The following PRLR variants were observed in gnomAD, a reference collection of about 807,000 sequenced individuals.
PRLR encodes hPRL receptor.
A neutral mutation model predicts 40.2 loss-of-function variants in PRLR; 13 were observed. The ratio of observed to expected loss-of-function variants is 0.32; its 90% confidence interval spans 0.21 to 0.51. The LOEUF is 0.51. Among genes scored for constraint, PRLR ranks in the 20% least tolerant of loss-of-function variants. PRLR has a pLI of 0.97. For missense variants in PRLR, 656 were observed against 747.3 expected, an observed-to-expected ratio of 0.88 and a Z score of 1.42; for synonymous variants, 269 against 278.7, an observed-to-expected ratio of 0.97 and a Z score of 0.35.
intron 2 of PRLR, among the ~76,000 whole-genome samples, chr5:35,101,199 A>G (rs188177624): frequency 6.6e-6 from 1 of 152,288 alleles, no homozygotes; most frequent in African/African-American, 2.4e-5. Flanking sequence ...ACCTGTAAAC[A>G]TGTCTACAGG....
chr5:35,170,982 T>G (rs1209580270), intron 1 of PRLR, among the ~76,000 whole-genome samples: 1 of 152,016 alleles, frequency 6.6e-6, no homozygotes, highest in Non-Finnish European at 1.5e-5. Flanking sequence ...GAAGAATTGC[T>G]TATCAGTATT....
chr5:35,164,665 T>C (rs1439144388), intron 1 of PRLR, among the ~76,000 whole-genome samples: 2 of 152,062 alleles, frequency 1.3e-5, no homozygotes, highest in Non-Finnish European at 2.9e-5. Flanking sequence ...CCACAAGCGT[T>C]TAAATTAGTG....
At chr5:35,054,916 G>C (rs1240034187), downstream of PRLR, among the ~76,000 whole-genome samples, 1 of 152,184 alleles carries the variant, frequency 6.6e-6, no homozygotes, top group Non-Finnish European at 1.5e-5. Context: ...CTGCTGAAGA[G>C]AGAGGTAGAG....
intron 6 of PRLR, among the ~76,000 whole-genome samples, chr5:35,072,299 C>T (rs1386039379): frequency 2.6e-5 from 4 of 152,130 alleles, no homozygotes; most frequent in African/African-American, 9.7e-5. Context: ...AGTACTCTTA[C>T]AAGGGTCTAG....
At chr5:35,163,006 G>A (rs183017068) in intron 1 of PRLR, among the ~76,000 whole-genome samples, 4 of 152,176 alleles carry the variant, frequency 2.6e-5, no homozygotes, top group East Asian at 3.9e-4. Context: ...GTGGGAAGGC[G>A]GTTCCCAGAA....
At chr5:35,131,168 A>C (rs1773657032) in intron 1 of PRLR, among the ~76,000 whole-genome samples, 1 of 152,234 alleles carries the variant, frequency 6.6e-6, no homozygotes, top group African/African-American at 2.4e-5. Context: ...CTTTTCTGCA[A>C]CTTCTTATAT....
intron 1 of PRLR, among the ~76,000 whole-genome samples, chr5:35,130,754 T>C (rs192457424): frequency 2.0e-5 from 3 of 152,280 alleles, no homozygotes; most frequent in Admixed American, 6.5e-5. Flanking sequence ...CATTTGGAAA[T>C]AGGGTCCTTG....
At chr5:35,085,403 T>G (rs1770785452) in intron 4 of PRLR, among the ~76,000 whole-genome samples, 1 of 152,176 alleles carries the variant, frequency 6.6e-6, no homozygotes, top group South Asian at 2.1e-4. Context: ...CTAAATATTT[T>G]CCTTTCTGAA....
intron 1 of PRLR, among the ~76,000 whole-genome samples, chr5:35,145,849 C>A (rs765963288): frequency 9.2e-5 from 14 of 151,882 alleles, no homozygotes; most frequent in Middle Eastern, 3.2e-3. Context: ...TTCTGTTTGT[C>A]TATCAGTGAC....
intron 1 of PRLR, among the ~76,000 whole-genome samples, chr5:35,184,141 G>C (rs1775364023): frequency 6.6e-6 from 1 of 152,250 alleles, no homozygotes; most frequent in African/African-American, 2.4e-5. Context: ...CCTGATAATT[G>C]AGATTCATGA....
At chr5:35,226,756 T>C (rs1579822559) in intron 1 of PRLR, among the ~76,000 whole-genome samples, 1 of 152,212 alleles carries the variant, frequency 6.6e-6, no homozygotes, top group East Asian at 1.9e-4. Context: ...GCCTCTATTT[T>C]CTTCATAGCA....
chr5:35,075,820 G>C (rs1770054516), intron 5 of PRLR, among the ~76,000 whole-genome samples: 1 of 152,250 alleles, frequency 6.6e-6, no homozygotes. Flanking sequence ...ATACACCCAG[G>C]TGCCCCTCTG....
intron 5 of PRLR, 87 bp downstream of exon 5, chr5:35,084,383 A>G (rs1770712220): frequency 7.5e-7 from 1 of 1,331,186 alleles, no homozygotes; most frequent in Non-Finnish European, 1.0e-6. Flanking sequence ...GGATCCATCC[A>G]AAACCCAAGA....
intron 1 of PRLR, among the ~76,000 whole-genome samples, chr5:35,180,143 A>G (rs1459753213): frequency 6.6e-6 from 1 of 152,160 alleles, no homozygotes; most frequent in African/African-American, 2.4e-5. Flanking sequence ...CACTCCTATG[A>G]GAATCTAATG....
chr5:35,107,647 T>A (rs4377690), intron 2 of PRLR, among the ~76,000 whole-genome samples: 35,987 of 151,992 alleles, frequency 0.24, 7,849 homozygotes, highest in African/African-American at 0.58. Flanking sequence ...AAATTCCTGG[T>A]AACACACACC....
chr5:35,172,726 C>A (rs2111949877), intron 1 of PRLR, among the ~76,000 whole-genome samples: 1 of 152,304 alleles, frequency 6.6e-6, no homozygotes, highest in South Asian at 2.1e-4. Flanking sequence ...AGCATGAGCT[C>A]CCTGTCCTCC....
chr5:35,098,535 A>C (rs1346182798), intron 2 of PRLR, among the ~76,000 whole-genome samples: 1 of 152,222 alleles, frequency 6.6e-6, no homozygotes, highest in East Asian at 1.9e-4. Flanking sequence ...GCAAGACTTC[A>C]AACAAGATTA....
intron 2 of PRLR, among the ~76,000 whole-genome samples, chr5:35,106,788 C>T (rs1772286858): frequency 6.6e-6 from 1 of 152,166 alleles, no homozygotes; most frequent in Non-Finnish European, 1.5e-5. Context: ...GGGACTTTAA[C>T]ACCCCATTGT....
intron 2 of PRLR, among the ~76,000 whole-genome samples, chr5:35,109,307 G>T (rs1391257899): frequency 6.6e-6 from 1 of 152,150 alleles, no homozygotes; most frequent in Non-Finnish European, 1.5e-5. Context: ...ATAGGCATGG[G>T]CAAGGACTTC....
Sources: gnomAD v4.1 joint callset for allele counts (sites outside exome capture counted in the v4.1 genomes callset) on GRCh38, gnomAD v4.1.1 for gene constraint, MANE v1.5 for transcripts, NCBI Gene and HGNC (gene_info 2026-07-23, HGNC 2026-07-21) for gene names.